The following PHF8 variants were observed in gnomAD, a reference collection of about 807,000 sequenced individuals.
The protein encoded by PHF8 is PHD finger protein 8, also known as histone lysine demethylase PHF8.
In PHF8, 9 loss-of-function variants were observed where a neutral mutation model predicts 74.4. The observed-to-expected ratio is 0.12, with a 90% CI of 0.07 to 0.21. The LOEUF (loss-of-function observed/expected upper bound fraction) is 0.21. Among genes scored for constraint, PHF8 ranks in the 10% least tolerant of loss-of-function variants. The pLI is 1.00. For synonymous variants in PHF8, 311 were observed against 316.6 expected, an observed-to-expected ratio of 0.98 and a Z score of 0.19; for missense variants, 478 against 816.6, an observed-to-expected ratio of 0.59 and a Z score of 5.05.
intron 2 of PHF8, among the ~76,000 whole-genome samples, chrX:54,033,479 C>T (rs1052306697): frequency 3.6e-5 from 4 of 111,873 alleles, no homozygotes; most frequent in Admixed American, 2.9e-4. Context: ...CTTTGGGAGG[C>T]TGAGGTGGGC....
At chrX:54,033,996 A>C (rs782238237) in intron 2 of PHF8, among the ~76,000 whole-genome samples, 76 of 112,318 alleles carry the variant, frequency 6.8e-4, no homozygotes, top group Admixed American at 1.0e-3. Context: ...ATAGAAAAGA[A>C]TCTAACAGAA....
chrX:54,045,788 GAGAT>G (rs782313319), upstream of PHF8, among the ~76,000 whole-genome samples: 66 of 112,339 alleles, frequency 5.9e-4, no homozygotes, highest in Non-Finnish European at 1.0e-3. Context: ...AAACAGAAGA[GAGAT>G]AGGTAGGAGG....
Position 53,964,152 on chromosome X carries a change from A to T in PHF8, c.2444-1213T>A, listed in dbSNP as rs1673486748. Among the ~76,000 whole-genome samples the T allele has an allele frequency of 1.8e-5, 2 of 110,833 alleles. 1 individual carries two copies. The highest frequency in any genetic ancestry group is 7.7e-4 in the South Asian group (2 of 2,606). On this transcript the variant is annotated intron_variant, in intron 18 of 21. Coordinates refer to ENST00000338154, the MANE Select transcript of PHF8 (RefSeq NM_015107.3). ...CACAGGACAGAAAACCAAACACCGC[A>T]TATTCTCATTCATAAGTGAGAGTTG...
At chrX:53,975,997 A>G (rs782538352) in intron 18 of PHF8, among the ~76,000 whole-genome samples, 2 of 111,315 alleles carry the variant, frequency 1.8e-5, no homozygotes, top group East Asian at 2.8e-4. Flanking sequence ...TGCTGTTAAT[A>G]TATCAACTTT....
chrX:53,996,482 A>T (rs2065751139), intron 11 of PHF8, among the ~76,000 whole-genome samples: 1 of 108,791 alleles, frequency 9.2e-6, no homozygotes, highest in African/African-American at 3.4e-5. Flanking sequence ...GCCCAAGACA[A>T]TTCTTCTTCC....
chrX:54,044,801 G>C, upstream of PHF8: 2 of 887,655 alleles, frequency 2.3e-6, no homozygotes, highest in South Asian at 4.7e-5. Context: ...AGGTGAACTC[G>C]GTGACTCCAA....
chrX:54,042,912 G>A, intron 1 of PHF8, 92 bp from the exon 2 acceptor site: 1 of 695,244 alleles, frequency 1.4e-6, no homozygotes, highest in Non-Finnish European at 2.0e-6. Context: ...AGTTACCGCC[G>A]CCGGGATGCA....
chrX:53,944,357 T>G (rs1557084510), intron 19 of PHF8, 114 bp from the exon 20 acceptor site: 1 of 539,746 alleles, frequency 1.9e-6, no homozygotes, highest in African/African-American at 2.3e-5. Context: ...TGCTTCTAGC[T>G]TTTTATGAAG....
intron 18 of PHF8, among the ~76,000 whole-genome samples, chrX:53,976,089 C>A (rs1401483901): frequency 9.1e-6 from 1 of 109,566 alleles, no homozygotes; most frequent in Non-Finnish European, 1.9e-5. Context: ...CCAAGGAGGG[C>A]GATCACTTGA....
In PHF8 at chrX:53,942,937, G is replaced by A. The variant is rs782343916; in HGVS notation, c.2649+1197C>T. ...AGATGACTAGAGACCAAATCAAGAG[G>A]ACTTTAAGAGGGCTTTGTGTGCTAT... On this transcript the variant is annotated intron_variant, in intron 20 of 21. Coordinates refer to ENST00000338154, the MANE Select transcript of PHF8 (RefSeq NM_015107.3). 51 of 749,512 alleles carry A rather than the reference G, an allele frequency of 6.8e-5. No homozygotes were observed. The African/African-American group carries it at 1.1e-3, about 17-fold the overall frequency. The allele number at this position is 749,512 out of a possible 1,213,427, so 61.8% of individuals were successfully genotyped here.
At position 53,984,369 on chromosome X, in the gene PHF8, A is replaced by AAAAAC. The variant is rs782234845; in HGVS notation, c.2443+540_2443+544dup. Among the ~76,000 whole-genome samples the AAAAAC allele has an allele frequency of 1.6e-3, 175 of 112,152 alleles. 1 individual carries two copies. Among genetic ancestry groups the AAAAAC allele is most frequent in the Non-Finnish European group, 2.8e-3 (147 of 53,214 alleles). On this transcript the variant is annotated intron_variant, in intron 18 of 21. Coordinates refer to ENST00000338154, the MANE Select transcript of PHF8 (RefSeq NM_015107.3). Reference sequence around the variant, plus strand: ...TTAATGAGGGAGATTCTGTCTCAAAAAAAACAAAACAAAACAAAACAAAAA... The same window carrying AAAAAC: ...TTAATGAGGGAGATTCTGTCTCAAAAAAAACAAAACAAAACAAAACAAAACAAAAA...
chrX:54,026,065 T>C (rs1484480962), intron 2 of PHF8, among the ~76,000 whole-genome samples: 1 of 111,408 alleles, frequency 9.0e-6, no homozygotes, highest in East Asian at 2.8e-4. Context: ...TCCAAAATAT[T>C]TGGATTGGCC....
At chrX:53,956,675 C>CAT (rs1229591747) in intron 19 of PHF8, among the ~76,000 whole-genome samples, 1 of 97,533 alleles carries the variant, frequency 1.0e-5, no homozygotes, top group Non-Finnish European at 2.1e-5. Context: ...AAAATATGTG[C>CAT]GTGTGTGTGT....
chrX:54,013,504 G>A (rs1367448580), intron 7 of PHF8, among the ~76,000 whole-genome samples: 2 of 111,330 alleles, frequency 1.8e-5, no homozygotes, highest in Non-Finnish European at 3.8e-5. Context: ...GCTGATATGA[G>A]TATAAACTGG....
chrX:53,953,933 TG>T (rs1440197971), intron 19 of PHF8, among the ~76,000 whole-genome samples: 37 of 110,994 alleles, frequency 3.3e-4, no homozygotes, highest in Admixed American at 2.9e-3. Context: ...ACAATAAAAG[TG>T]GTACTCAAAT....
intron 8 of PHF8, 76 bp from the exon 9 acceptor site, chrX:54,002,758 T>A (rs1209043475): frequency 1.2e-5 from 8 of 672,704 alleles, no homozygotes; most frequent in Non-Finnish European, 1.9e-5. Context: ...CCTACTCATC[T>A]CAAACCCAAC....
chrX:53,956,869 A>T (rs1375636662), intron 19 of PHF8, among the ~76,000 whole-genome samples: 1 of 111,374 alleles, frequency 9.0e-6, no homozygotes, highest in Non-Finnish European at 1.9e-5. Context: ...AAAAAATGTA[A>T]ATTAAATCAA....
At chrX:53,971,729 TG>T (rs2065294206) in intron 18 of PHF8, among the ~76,000 whole-genome samples, 3 of 111,081 alleles carry the variant, frequency 2.7e-5, no homozygotes, top group Non-Finnish European at 5.7e-5. Flanking sequence ...CTAGAAAATC[TG>T]GAAGAAATGG....
intron 11 of PHF8, among the ~76,000 whole-genome samples, chrX:53,996,221 A>G (rs2065745377): frequency 9.1e-6 from 1 of 109,784 alleles, no homozygotes; most frequent in Non-Finnish European, 1.9e-5. Context: ...GGTTCAAGCG[A>G]TTCTCCTGCC....
Sources: gnomAD v4.1 joint callset for allele counts (sites outside exome capture counted in the v4.1 genomes callset) on GRCh38, gnomAD v4.1.1 for gene constraint, MANE v1.5 for transcripts, NCBI Gene and HGNC (gene_info 2026-07-23, HGNC 2026-07-21) for gene names.